Variants in IL1RAPL2 observed in about 807,000 individuals in gnomAD.
IL1RAPL2 encodes interleukin 1 receptor accessory protein like 2.
IL1RAPL2 carries 3 observed loss-of-function variants against 44.1 expected under a neutral mutation model. That is an observed-to-expected ratio of 0.07 (90% confidence interval 0.03 to 0.18). The LOEUF is 0.18. IL1RAPL2 is among the 10% of genes least tolerant of loss of function. The pLI is 1.00. For missense variants in IL1RAPL2, 391 were observed against 496.4 expected (o/e 0.79, Z 2.02); for synonymous variants, 181 against 178.8 (o/e 1.01, Z -0.10).
chrX:105,095,005 T>C (rs1425730222), intron 2 of IL1RAPL2, among the ~76,000 whole-genome samples: 2 of 112,082 alleles, frequency 1.8e-5, no homozygotes, highest in Admixed American at 9.5e-5. Flanking sequence ...TATATTTTTG[T>C]ATACCAATAT....
chrX:104,894,661 A>T (rs1390099075), intron 2 of IL1RAPL2, among the ~76,000 whole-genome samples: 1 of 111,403 alleles, frequency 9.0e-6, no homozygotes, highest in African/African-American at 3.3e-5. Flanking sequence ...ACTTCTCTAC[A>T]TTGGTTATTC....
chrX:104,879,033 T>C (rs1217748119), intron 2 of IL1RAPL2, among the ~76,000 whole-genome samples: 1 of 111,151 alleles, frequency 9.0e-6, no homozygotes, highest in African/African-American at 3.3e-5. Flanking sequence ...TCAATGACTC[T>C]TTTGGTAGGA....
At chrX:105,039,864 C>G (rs1234772362) in intron 2 of IL1RAPL2, among the ~76,000 whole-genome samples, 2 of 110,891 alleles carry the variant, frequency 1.8e-5, no homozygotes, top group Non-Finnish European at 3.8e-5. Flanking sequence ...TAATTGAGTA[C>G]CCTTTATTTC....
chrX:105,219,731 G>A (rs1556177537), intron 3 of IL1RAPL2: 1 of 1,206,540 alleles, frequency 8.3e-7, no homozygotes, highest in South Asian at 1.8e-5. Context: ...CCTGCCCCCT[G>A]CTCCCACTCA....
At chrX:104,832,913 C>T (rs1183688415) in intron 2 of IL1RAPL2, among the ~76,000 whole-genome samples, 3 of 111,131 alleles carry the variant, frequency 2.7e-5, no homozygotes, top group African/African-American at 9.8e-5. Flanking sequence ...TTTCATCTTA[C>T]TCCGTTTTTG....
chrX:105,477,133 G>T (rs948100136), intron 5 of IL1RAPL2, among the ~76,000 whole-genome samples: 2 of 111,768 alleles, frequency 1.8e-5, no homozygotes, highest in Non-Finnish European at 3.8e-5. Flanking sequence ...GGATGGAGAA[G>T]AAATTTCTCT....
chrX:105,688,155 C>T (rs2038000250), intron 6 of IL1RAPL2, among the ~76,000 whole-genome samples: 1 of 111,612 alleles, frequency 9.0e-6, no homozygotes. Context: ...CCTTTGAAAA[C>T]CGGCACAAGA....
At chrX:104,991,315 G>T (rs1217832880) in intron 2 of IL1RAPL2, among the ~76,000 whole-genome samples, 1 of 111,746 alleles carries the variant, frequency 8.9e-6, no homozygotes, top group Admixed American at 9.5e-5. Context: ...AAGGGATTAG[G>T]CAAGTTACAT....
intron 3 of IL1RAPL2, among the ~76,000 whole-genome samples, chrX:105,210,946 C>T (rs185757539): frequency 6.2e-4 from 69 of 111,104 alleles, no homozygotes; most frequent in African/African-American, 2.1e-3. Context: ...CCGATCAACA[C>T]AGCTTACAGT....
At chrX:104,792,339 C>T (rs1365710866) in intron 2 of IL1RAPL2, among the ~76,000 whole-genome samples, 2 of 110,722 alleles carry the variant, frequency 1.8e-5, no homozygotes, top group Non-Finnish European at 3.8e-5. Flanking sequence ...GACCCCAGAT[C>T]GCTTCACTGT....
At chrX:105,395,571 C>T (rs955608083) in intron 5 of IL1RAPL2, among the ~76,000 whole-genome samples, 11 of 110,260 alleles carry the variant, frequency 1.0e-4, no homozygotes, top group Non-Finnish European at 2.1e-4. Context: ...ATAAATAGTA[C>T]AATATGGCTG....
chrX:104,754,163 A>C (rs2147585387), intron 2 of IL1RAPL2, among the ~76,000 whole-genome samples: 1 of 111,213 alleles, frequency 9.0e-6, no homozygotes, highest in South Asian at 3.7e-4. Context: ...TGCTAATGAA[A>C]CTTTTTGCAA....
chrX:104,640,681 T>G (rs1929915823), intron 1 of IL1RAPL2, among the ~76,000 whole-genome samples: 1 of 112,329 alleles, frequency 8.9e-6, no homozygotes, highest in Non-Finnish European at 1.9e-5. Flanking sequence ...GTATCTATGA[T>G]GCTGGTTGGG....
rs755985505 is a variant in IL1RAPL2, at chrX:105,382,679, A to T, written c.698-101634A>T. Among the ~76,000 whole-genome samples, 198 of 105,997 alleles carry T rather than the reference A, an allele frequency of 1.9e-3. 1 individual carries two copies. Among genetic ancestry groups the T allele is most frequent in the Non-Finnish European group, 1.7e-3 (89 of 52,480 alleles). The allele number at this position is 105,997 out of a possible 115,157, so 92.0% of individuals were successfully genotyped here. A position where few individuals can be genotyped will look rare whatever the true frequency, so the allele number is the denominator to read the frequency against. ...TAAAGACACATGCACACATATGTTT[A>T]TTGCGGCACTATTCACAATAGCAAA... On this transcript the variant is annotated intron_variant, in intron 5 of 10. Transcript: ENST00000372582.
At chrX:105,413,346 G>T (rs185518986) in intron 5 of IL1RAPL2, among the ~76,000 whole-genome samples, 1 of 111,282 alleles carries the variant, frequency 9.0e-6, no homozygotes, top group African/African-American at 3.3e-5. Flanking sequence ...TTGAGATAGG[G>T]TGATTATCCT....
At chrX:105,558,431 G>T (rs2036911075) in intron 6 of IL1RAPL2, among the ~76,000 whole-genome samples, 2 of 111,590 alleles carry the variant, frequency 1.8e-5, no homozygotes, top group Non-Finnish European at 3.8e-5. Context: ...ATTCCCAAAT[G>T]TTGTTTATGT....
intron 3 of IL1RAPL2, among the ~76,000 whole-genome samples, chrX:105,227,160 A>ATGTATACATATG (rs2034024415): frequency 9.1e-6 from 1 of 109,540 alleles, no homozygotes; most frequent in African/African-American, 3.3e-5. Flanking sequence ...AGCATGGCAC[A>ATGTATACATATG]TGTATACATA....
intron 2 of IL1RAPL2, among the ~76,000 whole-genome samples, chrX:104,792,622 A>T (rs1932831515): frequency 1.8e-5 from 2 of 111,671 alleles, no homozygotes; most frequent in Non-Finnish European, 3.8e-5. Context: ...ATGCATATAA[A>T]GTAGATCATG....
chrX:104,928,517 T>TCA (rs1924825041), intron 2 of IL1RAPL2, among the ~76,000 whole-genome samples: 1 of 111,547 alleles, frequency 9.0e-6, no homozygotes, highest in African/African-American at 3.3e-5. Context: ...GTTGAGGCTG[T>TCA]GCCGCACTTA....
Sources: allele counts gnomAD v4.1 joint callset (sites outside exome capture counted in the v4.1 genomes callset), GRCh38; gene constraint gnomAD v4.1.1; transcripts MANE v1.5; gene names NCBI Gene and HGNC (gene_info 2026-07-23, HGNC 2026-07-21).